ADTRP: variants seen among roughly 807,000 people sequenced by gnomAD.
ADTRP encodes androgen-dependent TFPI-regulating protein.
In ADTRP, 20 loss-of-function variants were observed where a neutral mutation model predicts 27.0. The observed-to-expected ratio is 0.74, with a 90% CI of 0.52 to 1.08. The LOEUF is 1.08. ADTRP is among the 50% of genes least tolerant of loss of function. The probability of loss-of-function intolerance (pLI) is 0.00; values close to 1 mark genes in which losing one functional copy is unlikely to be tolerated. For synonymous variants in ADTRP, 101 were observed against 105.2 expected (o/e 0.96, Z 0.25); for missense variants, 251 against 275.0 (o/e 0.91, Z 0.62).
At chr6:11,745,170 A>ATCTCTCTCTC (rs56245898) in intron 3 of ADTRP, among the ~76,000 whole-genome samples, 2 of 147,808 alleles carry the variant, frequency 1.4e-5, no homozygotes, top group Non-Finnish European at 3.0e-5. Flanking sequence ...GGGTTAGTCA[A>ATCTCTCTCTC]TCTCTCTCTC....
In ADTRP at chr6:11,723,392, G is replaced by C; in HGVS notation, c.615C>G (p.Ala205=). ...AFFSLSYVFI[A]SIYLLGEKLN... ...GCTTCTCTCCAAGTAGGTAGATGCT[G>C]GCGATGAAGACGTAGCTGAGAGAGA... Residue 205 remains alanine (A), a synonymous_variant, in exon 5 of 6, where the codon GCC becomes GCG. Coordinates refer to ENST00000414691, the MANE Select transcript of ADTRP (RefSeq NM_032744.4). The C allele has an allele frequency of 6.2e-7, 1 of 1,614,142 alleles. No homozygotes were observed. The highest frequency in any genetic ancestry group is 1.1e-5 in the South Asian group (1 of 91,080).
At chr6:11,774,004 A>G (rs150847913) in intron 1 of ADTRP, among the ~76,000 whole-genome samples, 1 of 152,284 alleles carries the variant, frequency 6.6e-6, no homozygotes, top group East Asian at 1.9e-4. Flanking sequence ...TTCTGACTCC[A>G]CGTTGCTGAA....
At chr6:11,741,192 G>A (rs184216494) in intron 3 of ADTRP, among the ~76,000 whole-genome samples, 2 of 152,222 alleles carry the variant, frequency 1.3e-5, no homozygotes, top group African/African-American at 2.4e-5. Context: ...GCCTGCAAAC[G>A]CAAGTTATAT....
chr6:11,747,502 T>A (rs934261034), intron 3 of ADTRP, among the ~76,000 whole-genome samples: 1 of 152,260 alleles, frequency 6.6e-6, no homozygotes, highest in Non-Finnish European at 1.5e-5. Flanking sequence ...TCTGTTTTTA[T>A]GAGGCTTCTC....
chr6:11,732,287 T>C (rs1762413418), intron 4 of ADTRP, among the ~76,000 whole-genome samples: 1 of 152,252 alleles, frequency 6.6e-6, no homozygotes, highest in Non-Finnish European at 1.5e-5. Flanking sequence ...GCCGTTTTCC[T>C]GACTCATGTT....
At chr6:11,758,581 G>GGGGC (rs1561766988) in intron 3 of ADTRP, among the ~76,000 whole-genome samples, 1 of 119,752 alleles carries the variant, frequency 8.4e-6, no homozygotes, top group East Asian at 3.1e-4. Flanking sequence ...GGGGTGGGGG[G>GGGGC]GGGGGACGGA....
At chr6:11,748,171 A>C (rs1762928136) in intron 3 of ADTRP, among the ~76,000 whole-genome samples, 1 of 152,156 alleles carries the variant, frequency 6.6e-6, no homozygotes, top group Admixed American at 6.5e-5. Flanking sequence ...TAACAACCAA[A>C]AGCCCTATAG....
intron 3 of ADTRP, among the ~76,000 whole-genome samples, chr6:11,743,797 G>A (rs753324882): frequency 6.6e-5 from 10 of 152,160 alleles, no homozygotes; most frequent in Non-Finnish European, 1.3e-4. Flanking sequence ...TGCACAGCCT[G>A]GGAAGCCAAC....
chr6:11,733,372 T>C (rs958252778), intron 4 of ADTRP, among the ~76,000 whole-genome samples: 2 of 152,240 alleles, frequency 1.3e-5, no homozygotes, highest in Non-Finnish European at 2.9e-5. Context: ...CTAATGTGGA[T>C]TTACGACCTG....
chr6:11,761,452 T>C (rs1166332781), intron 3 of ADTRP, among the ~76,000 whole-genome samples: 2 of 152,242 alleles, frequency 1.3e-5, no homozygotes, highest in African/African-American at 4.8e-5. Flanking sequence ...CACTTCCTTA[T>C]GTTAAAATCA....
intron 4 of ADTRP, among the ~76,000 whole-genome samples, chr6:11,728,787 T>A (rs528012384): frequency 2.6e-5 from 4 of 152,348 alleles, no homozygotes; most frequent in Admixed American, 6.5e-5. Flanking sequence ...TGGGTGGCTC[T>A]GTAGGACACT....
rs565737319 is a variant in ADTRP at position 11,769,414 on chromosome 6, C to G, written c.154-1031G>C. Among the ~76,000 whole-genome samples, 3 of 152,228 alleles carry G rather than the reference C, an allele frequency of 2.0e-5. No homozygotes were observed. In the South Asian group the frequency reaches 6.2e-4, roughly 32 times the overall value. ...TAGCAAAGTCAGCCACATGCTGCTCCTGGGCTGAGGGCGTAGGCAGGAAAT... is the reference window on the plus strand; with the variant it reads ...TAGCAAAGTCAGCCACATGCTGCTCGTGGGCTGAGGGCGTAGGCAGGAAAT... On this transcript the variant is annotated intron_variant, in intron 1 of 5. Coordinates refer to ENST00000414691, the MANE Select transcript of ADTRP (RefSeq NM_032744.4).
intron 1 of ADTRP, chr6:11,770,172 T>A (rs1337589585): frequency 1.6e-6 from 2 of 1,254,500 alleles, no homozygotes; most frequent in Non-Finnish European, 2.3e-6. Flanking sequence ...GAGACAATTA[T>A]CTCCAGGTGG....
At chr6:11,757,820 TGA>T (rs1481915939) in intron 3 of ADTRP, among the ~76,000 whole-genome samples, 1 of 152,242 alleles carries the variant, frequency 6.6e-6, no homozygotes, top group Non-Finnish European at 1.5e-5. Context: ...TGGAGCCTTC[TGA>T]GAGAGTATGG....
chr6:11,778,557 T>G (rs767226082), intron 1 of ADTRP, 50 bp downstream of exon 1: 1 of 1,573,796 alleles, frequency 6.4e-7, no homozygotes, highest in Non-Finnish European at 8.7e-7. Flanking sequence ...GTGGCAGCAC[T>G]GATATTCTAG....
chr6:11,730,180 T>C (rs1762341219), intron 4 of ADTRP, among the ~76,000 whole-genome samples: 2 of 152,210 alleles, frequency 1.3e-5, no homozygotes, highest in South Asian at 4.1e-4. Context: ...CTGGCTGGGC[T>C]GGACCCCGCA....
intron 3 of ADTRP, among the ~76,000 whole-genome samples, chr6:11,755,574 T>C (rs1763189213): frequency 6.6e-6 from 1 of 152,216 alleles, no homozygotes. Context: ...AAAATGGCTT[T>C]ATTGTGATTA....
chr6:11,720,693 G>A (rs754398586), intron 5 of ADTRP, among the ~76,000 whole-genome samples: 1 of 152,018 alleles, frequency 6.6e-6, no homozygotes, highest in African/African-American at 2.4e-5. Flanking sequence ...GGATGGTCTC[G>A]ATCTACCGTG....
intron 3 of ADTRP, among the ~76,000 whole-genome samples, chr6:11,740,190 C>G (rs1050379830): frequency 6.6e-6 from 1 of 152,174 alleles, no homozygotes; most frequent in Admixed American, 6.5e-5. Context: ...AGGCCACATT[C>G]CGATCTGCGA....
Sources: allele counts gnomAD v4.1 joint callset (sites outside exome capture counted in the v4.1 genomes callset), GRCh38; gene constraint gnomAD v4.1.1; transcripts MANE v1.5; gene names NCBI Gene and HGNC (gene_info 2026-07-23, HGNC 2026-07-21).